The following CCDC146 variants were observed in gnomAD, a reference collection of about 807,000 sequenced individuals.
CCDC146 encodes coiled-coil domain containing 146, also known as coiled-coil domain-containing protein 146.
In CCDC146, 92 loss-of-function variants were observed where a neutral mutation model predicts 119.3. The ratio of observed to expected loss-of-function variants is 0.77; its 90% confidence interval spans 0.65 to 0.92. The LOEUF is 0.92. Ranked by LOEUF, CCDC146 falls within the 40% of genes least tolerant of loss-of-function variation. The pLI, the probability that CCDC146 is intolerant of heterozygous loss-of-function variation, is 0.00. For synonymous variants in CCDC146, 372 were observed against 371.8 expected, an observed-to-expected ratio of 1.00 and a Z score of -0.01; for missense variants, 1,000 against 1,103.0, an observed-to-expected ratio of 0.91 and a Z score of 1.32.
chr7:77,267,205 C>A (rs1793422203), intron 9 of CCDC146, among the ~76,000 whole-genome samples: 1 of 152,092 alleles, frequency 6.6e-6, no homozygotes, highest in Non-Finnish European at 1.5e-5. Context: ...GTTGCCCAGG[C>A]TAGTCTCAAA....
intron 2 of CCDC146, among the ~76,000 whole-genome samples, chr7:77,172,973 C>T (rs1009697353): frequency 3.3e-5 from 5 of 152,118 alleles, no homozygotes; most frequent in African/African-American, 9.7e-5. Context: ...AACCTCTCAA[C>T]TCTTCCCACA....
intron 10 of CCDC146, 66 bp downstream of exon 10, chr7:77,273,855 G>A (rs1793574669): frequency 2.0e-6 from 2 of 1,014,462 alleles, no homozygotes; most frequent in Non-Finnish European, 3.1e-6. Context: ...GCTTTTAACT[G>A]TGCTCCACAA....
At chr7:77,189,565 A>G (rs888404858) in intron 2 of CCDC146, among the ~76,000 whole-genome samples, 3 of 151,902 alleles carry the variant, frequency 2.0e-5, no homozygotes, top group African/African-American at 7.3e-5. Flanking sequence ...GCTCTTATCT[A>G]CTCAGTGTAA....
intron 2 of CCDC146, among the ~76,000 whole-genome samples, chr7:77,185,919 G>A (rs1170059911): frequency 4.6e-5 from 7 of 152,166 alleles, no homozygotes; most frequent in Admixed American, 2.6e-4. Context: ...CATGAGAGAA[G>A]TGCAAATCAA....
At chr7:77,152,662 G>A (rs1791123695) in intron 1 of CCDC146, among the ~76,000 whole-genome samples, 1 of 152,128 alleles carries the variant, frequency 6.6e-6, no homozygotes, top group Admixed American at 6.6e-5. Context: ...CTGAAGATAA[G>A]GTCTTTTAAG....
chr7:77,132,967 T>TC (rs2117397575), intron 1 of CCDC146, among the ~76,000 whole-genome samples: 1 of 150,682 alleles, frequency 6.6e-6, no homozygotes, highest in South Asian at 2.1e-4. Flanking sequence ...AGGTCAGGAG[T>TC]TCAAGACCAG....
intron 1 of CCDC146, among the ~76,000 whole-genome samples, chr7:77,161,829 A>G (rs186074303): frequency 2.6e-5 from 4 of 152,030 alleles, no homozygotes; most frequent in Non-Finnish European, 4.4e-5. Context: ...TGTTTTTTCA[A>G]TCATAGCCAT....
At chr7:77,226,411 A>T (rs1203150992) in intron 2 of CCDC146, among the ~76,000 whole-genome samples, 5 of 152,180 alleles carry the variant, frequency 3.3e-5, no homozygotes, top group Non-Finnish European at 4.4e-5. Flanking sequence ...CCACGCAAAC[A>T]CCTAATTCTT....
chr7:77,261,576 C>T (rs1211403195), intron 8 of CCDC146, among the ~76,000 whole-genome samples: 1 of 152,164 alleles, frequency 6.6e-6, no homozygotes, highest in Non-Finnish European at 1.5e-5. Flanking sequence ...TTCCCGGGTT[C>T]ACGCCATTCT....
At chr7:77,243,133 T>C (rs144583933) in intron 4 of CCDC146, among the ~76,000 whole-genome samples, 1 of 152,220 alleles carries the variant, frequency 6.6e-6, no homozygotes. Context: ...GACATTTCCA[T>C]GAAAGAGTAA....
chr7:77,161,045 A>G (rs1029294610), intron 1 of CCDC146, among the ~76,000 whole-genome samples: 1 of 152,268 alleles, frequency 6.6e-6, no homozygotes, highest in African/African-American at 2.4e-5. Context: ...AATGCTCTCC[A>G]TCACTGGCTA....
At chr7:77,171,403 C>T (rs1244490615) in intron 2 of CCDC146, among the ~76,000 whole-genome samples, 2 of 152,136 alleles carry the variant, frequency 1.3e-5, no homozygotes, top group Non-Finnish European at 2.9e-5. Context: ...GCATGTTTTC[C>T]TTAAACCAGC....
At chr7:77,164,758 G>C (rs1324058401) in intron 1 of CCDC146, among the ~76,000 whole-genome samples, 1 of 152,172 alleles carries the variant, frequency 6.6e-6, no homozygotes, top group African/African-American at 2.4e-5. Context: ...ATGAATAAAT[G>C]ATATGTCTGT....
chr7:77,167,736 C>T lies in CCDC146; in HGVS notation c.68C>T (p.Pro23Leu). 6.2e-7 allele frequency: 1 copy of T among 1,610,690 alleles called. No individual in the cohort carries two copies. The highest frequency in any genetic ancestry group is 8.5e-7 in the Non-Finnish European group (1 of 1,178,168). Residue 23 changes from proline (P) to leucine (L), a missense_variant, in exon 2 of 19, where the codon CCC becomes CTC. Pro to Leu is a moderately conservative substitution (Grantham distance 98). Around this residue, in one of 2 missense-constraint regions of CCDC146, gnomAD observed 15 missense variants for 57.7 expected, o/e 0.26. Transcript: ENST00000285871. ...GAGAAAGATGAAAAGGATCAAGAGC[C>T]CATTTATGCCATAGTGCCCACAATT... ...EEEKDEKDQE[P>L]IYAIVPTINI...
chr7:77,192,363 C>T (rs1791783988), intron 2 of CCDC146, among the ~76,000 whole-genome samples: 1 of 152,204 alleles, frequency 6.6e-6, no homozygotes. Context: ...CAGGATCATA[C>T]AGCTTGCAAA....
At chr7:77,128,958 A>C (rs1790746135) in intron 1 of CCDC146, among the ~76,000 whole-genome samples, 1 of 152,110 alleles carries the variant, frequency 6.6e-6, no homozygotes, top group Non-Finnish European at 1.5e-5. Context: ...TCCCATGTAG[A>C]AGAGAACTAG....
chr7:77,279,442 A>G (rs1793721801), intron 13 of CCDC146, among the ~76,000 whole-genome samples: 1 of 152,338 alleles, frequency 6.6e-6, no homozygotes, highest in South Asian at 2.1e-4. Flanking sequence ...TATGCTTACT[A>G]TGATGATTTT....
intron 2 of CCDC146, among the ~76,000 whole-genome samples, chr7:77,211,818 G>T (rs1026093732): frequency 6.6e-6 from 1 of 152,026 alleles, no homozygotes; most frequent in Non-Finnish European, 1.5e-5. Context: ...GTTTCACCAT[G>T]TTGGCCAGTC....
At chr7:77,277,303 A>T (rs1793667658) in intron 11 of CCDC146, among the ~76,000 whole-genome samples, 1 of 152,226 alleles carries the variant, frequency 6.6e-6, no homozygotes, top group Admixed American at 6.5e-5. Context: ...GATCCGTTTT[A>T]TGAATTAGAT....
Sources: allele counts gnomAD v4.1 joint callset (sites outside exome capture counted in the v4.1 genomes callset), GRCh38; gene constraint gnomAD v4.1.1; regional missense constraint gnomAD v4.1.1; transcripts MANE v1.5; gene names NCBI Gene and HGNC (gene_info 2026-07-23, HGNC 2026-07-21).